The following ERBB4 variants were observed in gnomAD, a reference collection of about 807,000 sequenced individuals.
The protein encoded by ERBB4 is receptor tyrosine-protein kinase erbB-4.
ERBB4 carries 42 observed loss-of-function variants against 158.0 expected under a neutral mutation model. The ratio of observed to expected loss-of-function variants is 0.27; its 90% CI spans 0.21 to 0.34. The LOEUF (loss-of-function observed/expected upper bound fraction) is 0.34. Among genes scored for constraint, ERBB4 ranks in the 10% least tolerant of loss-of-function variants. ERBB4 has a pLI of 1.00. For synonymous variants in ERBB4, 583 were observed against 558.7 expected (o/e 1.04, Z -0.61); for missense variants, 1,333 against 1,624.1 (o/e 0.82, Z 3.08).
At chr2:211,398,642 A>G (rs2062970779) in intron 25 of ERBB4, among the ~76,000 whole-genome samples, 1 of 152,080 alleles carries the variant, frequency 6.6e-6, no homozygotes, top group Non-Finnish European at 1.5e-5. Flanking sequence ...GGAGTTCAAG[A>G]CCAGATGGTG....
At chr2:212,178,296 T>C (rs2081741909) in intron 1 of ERBB4, among the ~76,000 whole-genome samples, 1 of 151,648 alleles carries the variant, frequency 6.6e-6, no homozygotes, top group African/African-American at 2.4e-5. Flanking sequence ...TTTAAGGTTT[T>C]ATTTTGGAAA....
At chr2:212,530,984 A>G (rs771390061) in intron 1 of ERBB4, among the ~76,000 whole-genome samples, 2 of 152,226 alleles carry the variant, frequency 1.3e-5, no homozygotes, top group African/African-American at 2.4e-5. Flanking sequence ...CTCAGGACTC[A>G]GAAACTGGAT....
intron 2 of ERBB4, among the ~76,000 whole-genome samples, chr2:212,051,832 T>A (rs1340424538): frequency 1.3e-5 from 2 of 152,194 alleles, no homozygotes; most frequent in Non-Finnish European, 2.9e-5. Flanking sequence ...CTCAGGATTA[T>A]CATTATTACA....
intron 10 of ERBB4, 100 bp downstream of exon 10, chr2:211,705,218 C>G (rs1250546077): frequency 1.1e-5 from 9 of 834,188 alleles, no homozygotes; most frequent in Non-Finnish European, 1.9e-5. Context: ...TCCCTAAGTG[C>G]TGGGATTACT....
chr2:212,534,208 T>G (rs1692913623), intron 1 of ERBB4, among the ~76,000 whole-genome samples: 1 of 152,242 alleles, frequency 6.6e-6, no homozygotes, highest in African/African-American at 2.4e-5. Context: ...TTGCAATGTT[T>G]AAGCCATCCT....
At position 212,042,649 on chromosome 2, in the gene ERBB4, G is replaced by T. The variant is rs72937750; in HGVS notation, c.234+82103C>A. Among the ~76,000 whole-genome samples the T allele has an allele frequency of 5.7e-3, 864 of 151,994 alleles. 13 individuals carry two copies. Among genetic ancestry groups the T allele is most frequent in the Non-Finnish European group, 7.5e-3 (512 of 67,928 alleles). On this transcript the variant is annotated intron_variant, in intron 2 of 27. Coordinates refer to ENST00000342788, the MANE Select transcript of ERBB4 (RefSeq NM_005235.3). The stretch of plus-strand genomic sequence containing the variant: ...TTAAGTGCCTATAATCTTTCTTTGT[G>T]GTTTTAGTATGCTTTTTTGAAGCTC...
intron 3 of ERBB4, among the ~76,000 whole-genome samples, chr2:211,803,071 T>G (rs1247201226): frequency 6.6e-6 from 1 of 152,224 alleles, no homozygotes; most frequent in East Asian, 1.9e-4. Context: ...AGTTCATTTA[T>G]TTACACATTT....
At chr2:211,982,682 AG>A in intron 2 of ERBB4, among the ~76,000 whole-genome samples, 1 of 152,308 alleles carries the variant, frequency 6.6e-6, no homozygotes, top group East Asian at 1.9e-4. Flanking sequence ...CCGATTCTAT[AG>A]GGCTCTGACC....
intron 12 of ERBB4, among the ~76,000 whole-genome samples, chr2:211,681,531 G>A (rs1271619373): frequency 3.3e-5 from 5 of 152,302 alleles, no homozygotes; most frequent in African/African-American, 1.2e-4. Flanking sequence ...CAACACTGAT[G>A]TGGTCAGTTT....
chr2:211,879,238 T>C (rs2078598098), intron 3 of ERBB4, among the ~76,000 whole-genome samples: 1 of 152,192 alleles, frequency 6.6e-6, no homozygotes, highest in Admixed American at 6.6e-5. Context: ...AAACCTGTTT[T>C]TCCCAAATCT....
intron 2 of ERBB4, among the ~76,000 whole-genome samples, chr2:211,994,583 A>T (rs1017089576): frequency 6.6e-6 from 1 of 151,860 alleles, no homozygotes; most frequent in African/African-American, 2.4e-5. Context: ...TTGTTTTTTT[A>T]CTTTATAGTG....
chr2:212,094,118 C>T (rs2078858649), intron 2 of ERBB4, among the ~76,000 whole-genome samples: 1 of 152,082 alleles, frequency 6.6e-6, no homozygotes, highest in Non-Finnish European at 1.5e-5. Flanking sequence ...ATGCAGTCCC[C>T]TATGTTGAGG....
intron 25 of ERBB4, among the ~76,000 whole-genome samples, chr2:211,399,965 G>A (rs1421206899): frequency 6.6e-6 from 1 of 152,052 alleles, no homozygotes; most frequent in Non-Finnish European, 1.5e-5. Flanking sequence ...AACACATAAG[G>A]AAGGACCATT....
intron 3 of ERBB4, among the ~76,000 whole-genome samples, chr2:211,804,948 G>A (rs1463600245): frequency 7.0e-6 from 1 of 142,724 alleles, no homozygotes; most frequent in Non-Finnish European, 1.5e-5. Context: ...GAGATGGTGT[G>A]TTGCTCTGTC....
intron 1 of ERBB4, among the ~76,000 whole-genome samples, chr2:212,424,360 G>C (rs930505776): frequency 1.3e-5 from 2 of 152,104 alleles, no homozygotes; most frequent in Non-Finnish European, 2.9e-5. Flanking sequence ...TACAGAATGA[G>C]TGAAATTCTG....
In ERBB4 at chr2:211,653,479, C is replaced by T. The variant is rs938644428; in HGVS notation, c.1946+4275G>A. Reference sequence around the variant, plus strand: ...CTTCCCCCCCGCCCCCCGCACCCGCCCCCCCCCACGCCCGCCCCGCTGGTT... The same window carrying T: ...CTTCCCCCCCGCCCCCCGCACCCGCTCCCCCCCACGCCCGCCCCGCTGGTT... On this transcript the variant is annotated intron_variant, in intron 16 of 27. Transcript: ENST00000342788. 6.1e-5 allele frequency among the ~76,000 whole-genome samples: 9 copies of T among 147,262 alleles called. No individual in the cohort carries two copies. The South Asian group carries it at 1.1e-3, about 18-fold the overall frequency.
Position 212,124,787 on chromosome 2 carries a change from T to C in ERBB4, c.199A>G (p.Ser67Gly). 1 of 1,614,200 alleles carries C rather than the reference T, an allele frequency of 6.2e-7. No homozygotes were observed. The highest frequency in any genetic ancestry group is 8.5e-7 in the Non-Finnish European group (1 of 1,180,014). ...GAGAGGTCCCGGTTGTGCTCAATGC[T>C]GGTTATCTCCAGGTTGCCCATGACA... ...EVVMGNLEIT[S>G]IEHNRDLSFL... Residue 67 changes from serine (S) to glycine (G), a missense_variant, in exon 2 of 28, where the codon AGC (serine) becomes GGC (glycine). By Grantham distance (56) the Ser-to-Gly change is moderately conservative. Coordinates refer to ENST00000342788, the MANE Select transcript of ERBB4 (RefSeq NM_005235.3).
intron 25 of ERBB4, among the ~76,000 whole-genome samples, chr2:211,391,295 C>G (rs2062793726): frequency 6.6e-6 from 1 of 152,148 alleles, no homozygotes; most frequent in East Asian, 1.9e-4. Flanking sequence ...TCACAGCAGT[C>G]AAAATGAGCT....
At chr2:211,552,212 G>T (rs1158275697) in intron 20 of ERBB4, among the ~76,000 whole-genome samples, 1 of 150,344 alleles carries the variant, frequency 6.7e-6, no homozygotes, top group African/African-American at 2.4e-5. Context: ...CGTAGAGTTG[G>T]AAATGAAAAA....
Sources: allele counts gnomAD v4.1 joint callset (sites outside exome capture counted in the v4.1 genomes callset), GRCh38; gene constraint gnomAD v4.1.1; transcripts MANE v1.5; gene names NCBI Gene and HGNC (gene_info 2026-07-23, HGNC 2026-07-21).